The following MYO5A variants were observed in gnomAD, a reference collection of about 807,000 sequenced individuals.
MYO5A encodes the protein myosin VA.
In MYO5A, 98 loss-of-function variants were observed where a neutral mutation model predicts 249.7. The observed-to-expected ratio is 0.39, with a 90% CI of 0.33 to 0.46. The LOEUF is 0.46. MYO5A is among the 20% of genes least tolerant of loss of function. MYO5A has a pLI of 0.98. For missense variants in MYO5A, 1,696 were observed against 2,308.8 expected (o/e 0.73, Z 5.44); for synonymous variants, 778 against 810.6 (o/e 0.96, Z 0.68).
chr15:52,345,653 A>G (rs1266008522), intron 30 of MYO5A, among the ~76,000 whole-genome samples: 2 of 152,168 alleles, frequency 1.3e-5, no homozygotes, highest in Admixed American at 1.3e-4. Flanking sequence ...GTACAAATGT[A>G]ATTTAAAAAA....
intron 1 of MYO5A, chr15:52,505,160 A>T (rs931037555): frequency 2.7e-6 from 2 of 737,948 alleles, no homozygotes; most frequent in African/African-American, 1.7e-5. Context: ...CAATTCGTAC[A>T]TGGAGAACTC....
chr15:52,403,804 G>A (rs1242472523), intron 9 of MYO5A, among the ~76,000 whole-genome samples: 3 of 152,156 alleles, frequency 2.0e-5, no homozygotes, highest in Non-Finnish European at 2.9e-5. Context: ...ACCACCATTA[G>A]GAAAAGAGGC....
At chr15:52,337,767 G>C in intron 33 of MYO5A, 43 bp downstream of exon 33, 1 of 1,412,974 alleles carries the variant, frequency 7.1e-7, no homozygotes, top group Non-Finnish European at 9.7e-7. Flanking sequence ...AGGGCTATAA[G>C]TAGCAAGGGA....
intron 1 of MYO5A, 67 bp downstream of exon 1, chr15:52,528,713 C>A: frequency 6.8e-7 from 1 of 1,475,038 alleles, no homozygotes; most frequent in Non-Finnish European, 8.9e-7. Flanking sequence ...GCCCCCTCCC[C>A]AGCCTGACAG....
intron 1 of MYO5A, among the ~76,000 whole-genome samples, chr15:52,460,470 C>T (rs1446510161): frequency 6.6e-6 from 1 of 152,248 alleles, no homozygotes; most frequent in Non-Finnish European, 1.5e-5. Flanking sequence ...CACGGCCAAA[C>T]CCCGTCTCCA....
chr15:52,402,368 C>G (rs2042799305), intron 9 of MYO5A, among the ~76,000 whole-genome samples: 1 of 152,098 alleles, frequency 6.6e-6, no homozygotes, highest in Non-Finnish European at 1.5e-5. Flanking sequence ...ATTACTAGCT[C>G]CCCACTTAGG....
rs186442428 is a variant in MYO5A at position 52,391,897 on chromosome 15, G to T, written c.1542+33C>A. The T allele has an allele frequency of 1.5e-4, 242 of 1,604,124 alleles. 2 individuals carry two copies. The African/African-American group carries it at 3.0e-3, about 20-fold the overall frequency. On this transcript the variant is annotated intron_variant, in intron 12 of 41. Transcript: ENST00000399233. Reference sequence around the variant, plus strand: ...CTTCTGACCTTGATACATCTATTTTGATAAACCAAGTACCCCAGGAAATCA... The same window carrying T: ...CTTCTGACCTTGATACATCTATTTTTATAAACCAAGTACCCCAGGAAATCA...
chr15:52,454,843 T>C (rs2076088035), intron 1 of MYO5A, among the ~76,000 whole-genome samples: 1 of 152,076 alleles, frequency 6.6e-6, no homozygotes, highest in African/African-American at 2.4e-5. Context: ...AAGATGTTTA[T>C]AGCAATAAAT....
At chr15:52,375,238 T>C (rs980824953) in intron 20 of MYO5A, 66 bp downstream of exon 20, 26 of 1,528,836 alleles carry the variant, frequency 1.7e-5, no homozygotes, top group South Asian at 5.6e-5. Flanking sequence ...TGTGGTACTC[T>C]GTATAGATGT....
chr15:52,407,854 C>T (rs2043075858), intron 7 of MYO5A, among the ~76,000 whole-genome samples: 1 of 152,138 alleles, frequency 6.6e-6, no homozygotes, highest in South Asian at 2.1e-4. Context: ...CTAAAATCAC[C>T]TCCAGGCCAA....
chr15:52,499,546 G>C (rs968698022), intron 1 of MYO5A, among the ~76,000 whole-genome samples: 1 of 152,050 alleles, frequency 6.6e-6, no homozygotes, highest in Non-Finnish European at 1.5e-5. Flanking sequence ...TCTACCGATT[G>C]TACTACTTTA....
chr15:52,412,838 T>C (rs1282396931), intron 5 of MYO5A, among the ~76,000 whole-genome samples: 1 of 152,206 alleles, frequency 6.6e-6, no homozygotes, highest in African/African-American at 2.4e-5. Flanking sequence ...TCTTCAATTA[T>C]GGTTATTGAA....
chr15:52,369,892 T>TTTA (rs1413998945), intron 22 of MYO5A, among the ~76,000 whole-genome samples: 2 of 111,674 alleles, frequency 1.8e-5, no homozygotes, highest in African/African-American at 6.0e-5. Flanking sequence ...TTTTTTTTTT[T>TTTA]AATATACAAG....
chr15:52,429,814 A>T (rs990831142), intron 2 of MYO5A, among the ~76,000 whole-genome samples: 5 of 152,236 alleles, frequency 3.3e-5, no homozygotes, highest in Non-Finnish European at 7.3e-5. Flanking sequence ...TATGTTGCCC[A>T]GGCTGATCTC....
intron 1 of MYO5A, 130 bp from the exon 2 acceptor site, chr15:52,433,415 T>C: frequency 9.3e-6 from 1 of 107,070 alleles, no homozygotes; most frequent in Admixed American, 1.5e-4. Flanking sequence ...GAAATTCACT[T>C]TTTTTTTTTT....
chr15:52,425,347 G>GGTTGGTTT (rs1555449162), intron 4 of MYO5A, among the ~76,000 whole-genome samples: 2 of 151,250 alleles, frequency 1.3e-5, no homozygotes, highest in African/African-American at 4.9e-5. Context: ...AAATGTGAGG[G>GGTTGGTTT]GTTTGTTTGT....
intron 24 of MYO5A, among the ~76,000 whole-genome samples, chr15:52,363,448 G>A (rs2040641692): frequency 2.0e-5 from 3 of 152,156 alleles, no homozygotes; most frequent in Admixed American, 6.5e-5. Context: ...TCCAATGTGG[G>A]ATTTATATTA....
In MYO5A at chr15:52,354,033, AAAGATGGTC is replaced by A. The variant is rs1567045693; in HGVS notation, c.3424-28_3424-20del. 6.2e-7 allele frequency: 1 copy of A among 1,614,108 alleles called. No homozygotes were observed. Among genetic ancestry groups the A allele is most frequent in the Non-Finnish European group, 8.5e-7 (1 of 1,180,016 alleles). On this transcript the variant is annotated intron_variant, in intron 25 of 41. Transcript: ENST00000399233. ...TTGGTTCCTAAACCCCAGGAATCACAAAGATGGTCAAGACAAGCCAGAAGACATAAAAGC... is the reference window on the plus strand; with the variant it reads ...TTGGTTCCTAAACCCCAGGAATCACAAAGACAAGCCAGAAGACATAAAAGC...
intron 1 of MYO5A, among the ~76,000 whole-genome samples, chr15:52,446,131 C>A (rs754022054): frequency 1.3e-5 from 2 of 152,198 alleles, no homozygotes; most frequent in African/African-American, 2.4e-5. Flanking sequence ...GAAGGCATTT[C>A]GGAGACCTTC....
Sources: allele counts gnomAD v4.1 joint callset (sites outside exome capture counted in the v4.1 genomes callset), GRCh38; gene constraint gnomAD v4.1.1; transcripts MANE v1.5; gene names NCBI Gene and HGNC (gene_info 2026-07-23, HGNC 2026-07-21).